The following TRIM17 variants were observed in gnomAD, a reference collection of about 807,000 sequenced individuals.
The protein encoded by TRIM17 is E3 ubiquitin-protein ligase TRIM17.
TRIM17 carries 27 observed loss-of-function variants against 35.8 expected under a neutral mutation model. That is an observed-to-expected ratio of 0.75 (90% confidence interval 0.56 to 1.04). The LOEUF (loss-of-function observed/expected upper bound fraction) is 1.04. Among genes scored for constraint, TRIM17 ranks in the 50% least tolerant of loss-of-function variants. TRIM17 has a pLI of 0.00. For synonymous variants in TRIM17, 246 were observed against 252.6 expected, an observed-to-expected ratio of 0.97 and a Z score of 0.25; for missense variants, 582 against 612.8, an observed-to-expected ratio of 0.95 and a Z score of 0.53.
rs758694933 is a variant in TRIM17 at position 228,414,901 on chromosome 1, C to G, written c.172G>C (p.Gly58Arg). 2.5e-6 allele frequency: 4 copies of G among 1,613,450 alleles called. No homozygotes were observed. In the Admixed American group the frequency reaches 5.0e-5, roughly 20 times the overall value. ...CTGCACTCGGGGCAGGGGAAGGAGCCCTTCCGCTTCCGCCTCCCCTTCTTG... is the reference window on the plus strand; with the variant it reads ...CTGCACTCGGGGCAGGGGAAGGAGCGCTTCCGCTTCCGCCTCCCCTTCTTG... ...RGKKGRRKRK[G>R]SFPCPECREM... Residue 58 changes from glycine (G) to arginine (R), a missense_variant, in exon 2 of 7, where the codon GGC becomes CGC. Physicochemically the swap from Gly to Arg is moderately radical, Grantham distance 125. Transcript: ENST00000366698.
chr1:228,409,599 C>T (rs1656667235), intron 4 of TRIM17, 188 bp from the exon 5 acceptor site: 4 of 551,406 alleles, frequency 7.3e-6, no homozygotes, highest in Non-Finnish European at 9.5e-6. Flanking sequence ...ACCACCAGAG[C>T]CCCCAGTGCC....
At chr1:228,409,086 A>G (rs764759459) in intron 6 of TRIM17, 86 bp downstream of exon 6, 9 of 1,613,362 alleles carry the variant, frequency 5.6e-6, no homozygotes, top group African/African-American at 5.4e-5. Context: ...AACCCCCCCC[A>G]TTGGTGGCTT....
rs1478083791 is a variant in TRIM17, at chr1:228,408,358, G to A, written c.1277C>T (p.Ala426Val). 1.2e-6 allele frequency: 2 copies of A among 1,614,016 alleles called. No individual in the cohort carries two copies. Among genetic ancestry groups the A allele is most frequent in the Non-Finnish European group, 1.7e-6 (2 of 1,180,008 alleles). Residue 426 changes from alanine (A) to valine (V), a missense_variant, in exon 7 of 7, where the codon GCC (alanine) becomes GTC (valine). Physicochemically the swap from Ala to Val is moderately conservative, Grantham distance 64 (BLOSUM62 0). Transcript: ENST00000366698. The surrounding 1 kb of genome is among the most constrained non-coding windows in gnomAD (Gnocchi z 6.3). ...SHMGIFLDFE[A>V]GEVSFYSVSD... ...TACACTGTAGAAGGACACTTCCCCG[G>A]CTTCGAAGTCCAGGAAGATGCCCAT...
chr1:228,413,952 G>C (rs1656936376), intron 2 of TRIM17, 60 bp from the exon 3 acceptor site: 1 of 1,434,390 alleles, frequency 7.0e-7, no homozygotes, highest in Middle Eastern at 1.8e-4. Context: ...CCTGCCTAGA[G>C]TCCAGTTGTG....
At chr1:228,413,747 G>C (rs1276223522) in intron 3 of TRIM17, 50 bp downstream of exon 3, 12 of 1,478,528 alleles carry the variant, frequency 8.1e-6, no homozygotes, top group East Asian at 6.8e-5. Context: ...TGGAAATGCA[G>C]GAAGATGGAG....
intron 1 of TRIM17, 132 bp downstream of exon 1, chr1:228,416,407 C>T: frequency 1.0e-6 from 1 of 986,678 alleles, no homozygotes; most frequent in Non-Finnish European, 1.2e-6. Flanking sequence ...CGCGCTAGCC[C>T]CTCCAGGGAC....
chr1:228,408,162 G>A lies in TRIM17; in HGVS notation c.*39C>T. 6.6e-7 allele frequency: 1 copy of A among 1,505,094 alleles called. No homozygotes were observed. The allele number at this position is 1,505,094 out of a possible 1,614,324, so 93.2% of individuals were successfully genotyped here. A position where few individuals can be genotyped will look rare whatever the true frequency, so the allele number is the denominator to read the frequency against. On this transcript the variant is annotated 3_prime_UTR_variant, in exon 7 of 7. Transcript: ENST00000366698. This position sits in a 1 kb window ranked among gnomAD's most constrained non-coding sequence, Gnocchi z 6.3. ...AGTAAGCAGAAGGCCCACACCTTCT[G>A]CAGAGCCAGGAGCAGTGCCCGAGTC...
chr1:228,410,933 C>G lies in TRIM17; in HGVS notation c.756+13G>C. On this transcript the variant is annotated intron_variant, in intron 4 of 6. Coordinates refer to ENST00000366698, the MANE Select transcript of TRIM17 (RefSeq NM_016102.4). The surrounding 1 kb of genome is among the most constrained non-coding windows in gnomAD (Gnocchi z 4.6). ...CTCACATCCCACCCTGCCTGCCAAGCCTACTGGCTCACCTGCAGCATCTGG... is the reference window on the plus strand; with the variant it reads ...CTCACATCCCACCCTGCCTGCCAAGGCTACTGGCTCACCTGCAGCATCTGG... 6.6e-7 allele frequency: 1 copy of G among 1,511,308 alleles called. No homozygotes were observed. Among genetic ancestry groups the G allele is most frequent in the Non-Finnish European group, 8.9e-7 (1 of 1,129,172 alleles). The allele number at this position is 1,511,308 out of a possible 1,614,324, so 93.6% of individuals were successfully genotyped here.
rs1315607514 is a variant in TRIM17, at chr1:228,411,068, C to T, written c.634G>A (p.Glu212Lys). 6.2e-7 allele frequency: 1 copy of T among 1,614,014 alleles called. No individual in the cohort carries two copies. Among genetic ancestry groups the T allele is most frequent in the Admixed American group, 1.7e-5 (1 of 60,028 alleles). The change falls in exon 4 of 7, where the codon GAG becomes AAG. Residue 212 changes from glutamate (E) to lysine (K), a missense_variant. Coordinates refer to ENST00000366698, the MANE Select transcript of TRIM17 (RefSeq NM_016102.4). The surrounding 1 kb of genome is among the most constrained non-coding windows in gnomAD (Gnocchi z 4.2). ...TCCCGGAGCCTGCTGGCAGTCTCCT[C>T]TTCTTCCGTCTCCAGAGCCTGGAGG... Reference protein sequence around the residue: ...RLLQALETEEEETASRLRESV... With the variant: ...RLLQALETEEKETASRLRESV...
Position 228,413,877 on chromosome 1 carries a change from C to T in TRIM17, c.445G>A (p.Asp149Asn), listed in dbSNP as rs747234127. 2.8e-5 allele frequency: 45 copies of T among 1,614,180 alleles called. 1 individual carries two copies. The South Asian group carries it at 4.8e-4, about 17-fold the overall frequency. ...ATCTGCTCCCGAAGGTACTCCATGT[C>T]CTCCTCCAGCTTCAACTGTGGGACA... ...VQGYKLKLEE[D>N]MEYLREQITR... Residue 149 changes from aspartate (D) to asparagine (N), a missense_variant, in exon 3 of 7, where the codon GAC (aspartate) becomes AAC (asparagine). Physicochemically the swap from Asp to Asn is conservative, Grantham distance 23 (BLOSUM62 1). Coordinates refer to ENST00000366698, the MANE Select transcript of TRIM17 (RefSeq NM_016102.4).
chr1:228,415,096 G>A lies in TRIM17; in HGVS notation c.-24C>T, dbSNP rs1404903200. On this transcript the variant is annotated 5_prime_UTR_variant, in exon 2 of 7. Coordinates refer to ENST00000366698, the MANE Select transcript of TRIM17 (RefSeq NM_016102.4). ...ATGGCTCCTGGGAGACACGAGGCAG[G>A]TTCCCGCTTGAGGGACTCTGGAGAG... The A allele has an allele frequency of 6.3e-7, 1 of 1,583,298 alleles. No homozygotes were observed. The highest frequency in any genetic ancestry group is 1.7e-5 in the Admixed American group (1 of 58,300).
chr1:228,415,185 CT>C, intron 1 of TRIM17, 72 bp from the exon 2 acceptor site: 1 of 1,273,516 alleles, frequency 7.9e-7, no homozygotes, highest in Non-Finnish European at 1.1e-6. Context: ...TACAGCCTCC[CT>C]TTACAGAGGA....
In TRIM17 at chr1:228,408,187, C is replaced by T. The variant is rs1656540645; in HGVS notation, c.*14G>A. The T allele has an allele frequency of 6.6e-7, 1 of 1,514,014 alleles. No homozygotes were observed. The highest frequency in any genetic ancestry group is 1.4e-5 in the African/African-American group (1 of 71,740). The allele number at this position is 1,514,014 out of a possible 1,614,324, so 93.8% of individuals were successfully genotyped here. On this transcript the variant is annotated 3_prime_UTR_variant, in exon 7 of 7. Transcript: ENST00000366698. The surrounding 1 kb of genome is among the most constrained non-coding windows in gnomAD (Gnocchi z 6.3). The stretch of plus-strand genomic sequence containing the variant: ...GCAGAGCCAGGAGCAGTGCCCGAGT[C>T]CCCCGGTCTGTGTCTATCCTTTCAC...
Position 228,408,667 on chromosome 1 carries a change from G to T in TRIM17, c.968C>A (p.Pro323Gln). 1.2e-6 allele frequency: 2 copies of T among 1,611,946 alleles called. No homozygotes were observed. Among genetic ancestry groups the T allele is most frequent in the South Asian group, 1.1e-5 (1 of 91,090 alleles). ...CTTGCTGCAGAACCCACTGCCCTCCGGCGAAGAGCCGAGGTAGCGCCTCTG... is the reference window on the plus strand; with the variant it reads ...CTTGCTGCAGAACCCACTGCCCTCCTGCGAAGAGCCGAGGTAGCGCCTCTG... ...SRQRRYLGSSPEGSGFCSKDR... is the reference protein window; with the variant it reads ...SRQRRYLGSSQEGSGFCSKDR... The change falls in exon 7 of 7, where the codon CCG becomes CAG. Residue 323 changes from proline to glutamine, a missense_variant. Pro to Gln is a moderately conservative substitution (Grantham distance 76). Transcript: ENST00000366698. This position sits in a 1 kb window ranked among gnomAD's most constrained non-coding sequence, Gnocchi z 6.3.
Position 228,414,693 on chromosome 1 carries a change from T to C in TRIM17, c.380A>G (p.His127Arg), listed in dbSNP as rs191370765. Residue 127 changes from histidine (H) to arginine (R), a missense_variant, in exon 2 of 7, where the codon CAC (histidine) becomes CGC (arginine). Coordinates refer to ENST00000366698, the MANE Select transcript of TRIM17 (RefSeq NM_016102.4). ...ICVVCRESRE[H>R]RLHRVLPAEE... ...GGCGGGCAGCACCCTGTGCAGCCGG[T>C]GCTCCCGGGACTCCCTGCACACCAC... 1 of 1,611,940 alleles carries C rather than the reference T, an allele frequency of 6.2e-7. No individual in the cohort carries two copies. Among genetic ancestry groups the C allele is most frequent in the Non-Finnish European group, 8.5e-7 (1 of 1,180,020 alleles).
rs1390294426 is a variant in TRIM17 at position 228,414,701 on chromosome 1, G to A, written c.372C>T (p.Ser124=). 1.9e-6 allele frequency: 3 copies of A among 1,612,100 alleles called. No homozygotes were observed. In the Admixed American group the frequency reaches 5.0e-5, roughly 27 times the overall value. ...GCACCCTGTGCAGCCGGTGCTCCCG[G>A]GACTCCCTGCACACCACACAGATGG... is the stretch of plus-strand genomic sequence containing the variant. The part of the protein sequence containing the change: ...QSPICVVCRE[S]REHRLHRVLP... Residue 124 remains serine (S), a synonymous_variant, in exon 2 of 7, where the codon TCC becomes TCT. Coordinates refer to ENST00000366698, the MANE Select transcript of TRIM17 (RefSeq NM_016102.4).
At position 228,414,918 on chromosome 1, in the gene TRIM17, C is replaced by T; in HGVS notation, c.155G>A (p.Gly52Glu). 6.2e-7 allele frequency: 1 copy of T among 1,613,546 alleles called. No homozygotes were observed. Among genetic ancestry groups the T allele is most frequent in the Non-Finnish European group, 8.5e-7 (1 of 1,180,008 alleles). Residue 52 changes from glycine (G) to glutamate (E), a missense_variant, in exon 2 of 7, where the codon GGG becomes GAG. By Grantham distance (98) the Gly-to-Glu change is moderately conservative. Transcript: ENST00000366698. ...GAAGGAGCCCTTCCGCTTCCGCCTC[C>T]CCTTCTTGCCCCTCGCCTTTTCCCA... ...LSWEKARGKK[G>E]RRKRKGSFPC...
At chr1:228,409,301 C>A in intron 5 of TRIM17, 26 bp from the exon 6 acceptor site, 1 of 1,611,886 alleles carries the variant, frequency 6.2e-7, no homozygotes, top group Middle Eastern at 1.7e-4. Flanking sequence ...ACAGGGGAGT[C>A]TTATTGACTC....
chr1:228,415,054 C>A lies in TRIM17; in HGVS notation c.19G>T (p.Ala7Ser). The stretch of plus-strand genomic sequence containing the variant: ...GTAGCTTCCTCCTGCAGTTTTCTGG[C>A]GAGTTCCACAGCCTCCATGGCTCCT... MEAVEL[A>S]RKLQEEATCS... is the part of the protein sequence containing the mutation. Residue 7 changes from alanine (A) to serine (S), a missense_variant, in exon 2 of 7, where the codon GCC (alanine) becomes TCC (serine). Ala to Ser is a moderately conservative substitution (Grantham distance 99). Transcript: ENST00000366698. The A allele has an allele frequency of 3.1e-6, 5 of 1,603,772 alleles. No individual in the cohort carries two copies. Among genetic ancestry groups the A allele is most frequent in the Non-Finnish European group, 4.3e-6 (5 of 1,172,854 alleles).
Sources: allele counts gnomAD v4.1 joint callset, GRCh38; gene constraint gnomAD v4.1.1; non-coding constraint Gnocchi (gnomAD v3.1); transcripts MANE v1.5; gene names NCBI Gene and HGNC (gene_info 2026-07-23, HGNC 2026-07-21).